Variants in IRAK1BP1 observed in about 807,000 individuals in gnomAD.
The protein encoded by IRAK1BP1 is interleukin 1 receptor associated kinase 1 binding protein 1.
A neutral mutation model predicts 28.0 loss-of-function variants in IRAK1BP1; 24 were observed. The observed-to-expected ratio is 0.86, with a 90% CI of 0.62 to 1.20. The LOEUF is 1.20. Among genes scored for constraint, IRAK1BP1 ranks in the 50% most tolerant of loss-of-function variants. The probability of loss-of-function intolerance (pLI) is 0.00; values close to 1 mark genes in which losing one functional copy is unlikely to be tolerated. For missense variants in IRAK1BP1, 336 were observed against 316.7 expected, an observed-to-expected ratio of 1.06 and a Z score of -0.46; for synonymous variants, 131 against 116.3, an observed-to-expected ratio of 1.13 and a Z score of -0.81.
At chr6:78,913,291 C>T (rs931915500) in intron 4 of IRAK1BP1, among the ~76,000 whole-genome samples, 12 of 151,494 alleles carry the variant, frequency 7.9e-5, no homozygotes, top group African/African-American at 2.9e-4. Flanking sequence ...GCTGAGATCA[C>T]ACCACTGCAC....
At chr6:78,889,491 C>A (rs1158069741) in intron 2 of IRAK1BP1, among the ~76,000 whole-genome samples, 1 of 151,180 alleles carries the variant, frequency 6.6e-6, no homozygotes, top group Admixed American at 6.6e-5. Context: ...AAGAGGCAAC[C>A]TTCAGAATGG....
At chr6:78,975,654 C>G in the IRAK1BP1 span, among the ~76,000 whole-genome samples, 1 of 152,168 alleles carries the variant, frequency 6.6e-6, no homozygotes, top group Non-Finnish European at 1.5e-5. Flanking sequence ...TCTCCTTAAG[C>G]TGATAAGCAA....
intron 1 of IRAK1BP1, among the ~76,000 whole-genome samples, chr6:78,875,101 C>T (rs539439654): frequency 6.6e-6 from 1 of 152,126 alleles, no homozygotes; most frequent in African/African-American, 2.4e-5. Context: ...CAAAAGAAAC[C>T]ATACAAGCAG....
chr6:78,885,379 C>A lies in IRAK1BP1; in HGVS notation c.317C>A (p.Ala106Glu), dbSNP rs148053167. Residue 106 changes from alanine (A) to glutamate (E), a missense_variant and splice_region_variant, in exon 2 of 4, where the codon GCA becomes GAA. Ala to Glu is a moderately radical substitution (Grantham distance 107). Transcript: ENST00000369940. ...ACTCTTGGACTTTTTCTGTTTCAGG[C>A]AGAAAATATAACTGTGACAAAGGAT... The part of the protein sequence containing the change: ...TQSLQQQGVQ[A>E]ENITVTKDFR... 1 of 1,565,506 alleles carries A rather than the reference C, an allele frequency of 6.4e-7. No homozygotes were observed. The highest frequency in any genetic ancestry group is 1.1e-5 in the South Asian group (1 of 87,662).
intron 4 of IRAK1BP1, among the ~76,000 whole-genome samples, chr6:78,923,254 AAG>A (rs902437259): frequency 1.3e-5 from 2 of 152,126 alleles, no homozygotes; most frequent in African/African-American, 2.4e-5. Context: ...GGAAAAAAAA[AAG>A]GGCAGGGGTT....
At chr6:78,970,754 C>A in the IRAK1BP1 span, 2 of 1,365,302 alleles carry the variant, frequency 1.5e-6, no homozygotes, top group South Asian at 2.5e-5. Flanking sequence ...ATTTTTGGGG[C>A]TATTAAATAA....
downstream of IRAK1BP1, among the ~76,000 whole-genome samples, chr6:78,948,133 T>C (rs1330514435): frequency 2.0e-5 from 3 of 152,180 alleles, no homozygotes; most frequent in South Asian, 4.1e-4. Flanking sequence ...ATACTACTTA[T>C]AAATTCTAAA....
the IRAK1BP1 span, among the ~76,000 whole-genome samples, chr6:78,952,366 C>A: frequency 9.4e-5 from 14 of 149,522 alleles, no homozygotes; most frequent in Non-Finnish European, 1.6e-4. Context: ...TTGTAGTGAG[C>A]CGAGATTGAG....
chr6:78,946,125 A>T, exon 5 of IRAK1BP1: 1 of 1,614,140 alleles, frequency 6.2e-7, no homozygotes, highest in Non-Finnish European at 8.5e-7. Flanking sequence ...TTCGAACCAC[A>T]GAACTAGATT....
chr6:78,912,472 G>A (rs1772453079), intron 4 of IRAK1BP1, among the ~76,000 whole-genome samples: 2 of 152,112 alleles, frequency 1.3e-5, no homozygotes, highest in Non-Finnish European at 2.9e-5. Flanking sequence ...CAGCTGAAGA[G>A]TTTTAAGTAA....
chr6:78,883,312 G>A (rs907983524), intron 1 of IRAK1BP1, among the ~76,000 whole-genome samples: 3 of 151,980 alleles, frequency 2.0e-5, no homozygotes, highest in African/African-American at 7.3e-5. Flanking sequence ...GAAAAAGTCT[G>A]TATATAGATC....
downstream of IRAK1BP1, among the ~76,000 whole-genome samples, chr6:78,951,162 C>T (rs1245743870): frequency 6.6e-6 from 1 of 152,068 alleles, no homozygotes; most frequent in Non-Finnish European, 1.5e-5. Flanking sequence ...ATTGGCTTTA[C>T]AAACTTTGTG....
chr6:78,970,390 A>C, the IRAK1BP1 span, among the ~76,000 whole-genome samples: 1 of 152,270 alleles, frequency 6.6e-6, no homozygotes, highest in African/African-American at 2.4e-5. Context: ...AGGAAAAAAA[A>C]ATAAGGAGAA....
At chr6:78,955,556 G>A in the IRAK1BP1 span, 1 of 622,134 alleles carries the variant, frequency 1.6e-6, no homozygotes, top group South Asian at 2.1e-5. Context: ...ACTACAATAT[G>A]TAAATTTTTT....
At chr6:78,957,321 T>A in the IRAK1BP1 span, 1 of 151,996 alleles carries the variant, frequency 6.6e-6, no homozygotes, top group East Asian at 1.9e-4. Context: ...ATTACAGACA[T>A]AAGAGTCTTC....
rs117814039 is a variant in IRAK1BP1, at chr6:78,914,272, T to G, written c.*67+11162T>G. On this transcript the variant is annotated intron_variant and NMD_transcript_variant, in intron 4 of 4. Transcript: ENST00000606868. ...AATTATGAAAAGGTTAACCCAAAGATTAACTTTTTAAAACATCTTGCCTGA... is the reference window on the plus strand; with the variant it reads ...AATTATGAAAAGGTTAACCCAAAGAGTAACTTTTTAAAACATCTTGCCTGA... 5.7e-3 allele frequency among the ~76,000 whole-genome samples: 873 copies of G among 152,338 alleles called. 2 individuals are homozygous for G. Among genetic ancestry groups the G allele is most frequent in the Non-Finnish European group, 9.2e-3 (628 of 68,026 alleles).
At chr6:78,922,761 C>T (rs1202786181) in intron 4 of IRAK1BP1, among the ~76,000 whole-genome samples, 3 of 152,094 alleles carry the variant, frequency 2.0e-5, no homozygotes, top group East Asian at 1.9e-4. Flanking sequence ...AGAGTGGGGG[C>T]CAATATTCAA....
At position 78,903,046 on chromosome 6, in the gene IRAK1BP1, A is replaced by G; in HGVS notation, c.*4712A>G. The G allele has an allele frequency of 1.3e-6, 2 of 1,534,066 alleles. No individual in the cohort carries two copies. The highest frequency in any genetic ancestry group is 1.7e-6 in the Non-Finnish European group (2 of 1,145,124). On this transcript the variant is annotated 3_prime_UTR_variant, in exon 4 of 4. Coordinates refer to ENST00000369940, the MANE Select transcript of IRAK1BP1 (RefSeq NM_001010844.4). Reference sequence around the variant, plus strand: ...AACCAACAATTACTCCCAGATAGCCATGTCACCTGTGAATTATCATGAATC... The same window carrying G: ...AACCAACAATTACTCCCAGATAGCCGTGTCACCTGTGAATTATCATGAATC...
chr6:78,930,136 C>G (rs1325709083), intron 4 of IRAK1BP1, among the ~76,000 whole-genome samples: 1 of 152,046 alleles, frequency 6.6e-6, no homozygotes, highest in Non-Finnish European at 1.5e-5. Context: ...CCATAATGCC[C>G]AGGTTGGTCT....
Sources: gnomAD v4.1 joint callset for allele counts (sites outside exome capture counted in the v4.1 genomes callset) on GRCh38, gnomAD v4.1.1 for gene constraint, MANE v1.5 for transcripts, NCBI Gene and HGNC (gene_info 2026-07-23, HGNC 2026-07-21) for gene names.